Variants in DAB1 observed in about 807,000 individuals in gnomAD.
DAB1 encodes DAB adaptor protein 1.
Under a neutral mutation model 64.6 loss-of-function variants are expected in DAB1, and 15 were observed. That is an observed-to-expected ratio of 0.23 (90% CI 0.16 to 0.36). The LOEUF is 0.36. DAB1 is among the 10% of genes least tolerant of loss of function. The pLI, the probability that DAB1 is intolerant of heterozygous loss-of-function variation, is 1.00. For synonymous variants in DAB1, 235 were observed against 251.9 expected, an observed-to-expected ratio of 0.93 and a Z score of 0.64; for missense variants, 596 against 706.7, an observed-to-expected ratio of 0.84 and a Z score of 1.78.
chr1:58,530,750 A>G (rs756585092), intron 1 of DAB1: 2 of 868,768 alleles, frequency 2.3e-6, no homozygotes, highest in African/African-American at 3.3e-5. Context: ...TCAAAATAAT[A>G]AAAACTACAT....
rs986629643 is a variant in DAB1, at chr1:58,126,333, G to A, written n.387+24178C>T. Among the ~76,000 whole-genome samples, 6 of 152,276 alleles carry A rather than the reference G, an allele frequency of 3.9e-5. No individual in the cohort carries two copies. In the East Asian group the frequency reaches 7.7e-4, roughly 20 times the overall value. On this transcript the variant is annotated intron_variant and non_coding_transcript_variant, in intron 5 of 20. Transcript: ENST00000485760. Reference sequence around the variant, plus strand: ...ATTCCCCCAGGGCTCTCCGCAGCCCGGGGTAGGGGGAAACCCTTTGAGGCT... The same window carrying A: ...ATTCCCCCAGGGCTCTCCGCAGCCCAGGGTAGGGGGAAACCCTTTGAGGCT...
chr1:57,946,653 A>G (rs1645188196), intron 5 of DAB1, among the ~76,000 whole-genome samples: 1 of 152,226 alleles, frequency 6.6e-6, no homozygotes, highest in African/African-American at 2.4e-5. Flanking sequence ...GGTTCACTGC[A>G]GTTCCTGCAA....
chr1:57,890,262 C>T (rs1366727102), intron 5 of DAB1, among the ~76,000 whole-genome samples: 1 of 151,964 alleles, frequency 6.6e-6, no homozygotes, highest in Non-Finnish European at 1.5e-5. Flanking sequence ...GGGGGTAATA[C>T]CACATCTGGA....
chr1:58,343,263 GGATGGATGGATGGATGGATGGATA>G (rs1322608623), intron 4 of DAB1: 2 of 149,678 alleles, frequency 1.3e-5, no homozygotes, highest in Non-Finnish European at 3.0e-5. Flanking sequence ...ATGGATGGAT[GGATGGATGGATGGATGGATGGATA>G]GATGGATGGA....
chr1:58,048,011 C>T (rs1647359103), intron 5 of DAB1: 3 of 623,464 alleles, frequency 4.8e-6, no homozygotes, highest in Non-Finnish European at 8.7e-6. Context: ...ATATAGTCCT[C>T]AAGTTTTTTG....
intron 14 of DAB1, among the ~76,000 whole-genome samples, chr1:57,005,192 G>T (rs948821246): frequency 1.3e-5 from 2 of 152,132 alleles, no homozygotes; most frequent in African/African-American, 4.8e-5. Context: ...AGGCAACTGT[G>T]CATGTTCTGA....
At chr1:57,866,460 G>C (rs928861185) in intron 1 of DAB1, 3 of 152,154 alleles carry the variant, frequency 2.0e-5, no homozygotes, top group African/African-American at 7.2e-5. Flanking sequence ...CCATGTATCT[G>C]TAGTTTGTCA....
At chr1:57,920,506 C>T (rs1408877136) in intron 5 of DAB1, among the ~76,000 whole-genome samples, 2 of 151,936 alleles carry the variant, frequency 1.3e-5, no homozygotes, top group Non-Finnish European at 2.9e-5. Flanking sequence ...TTTTTTGAAA[C>T]AGGGTCTTGC....
chr1:57,357,964 C>T (rs758761749), intron 1 of DAB1, among the ~76,000 whole-genome samples: 11 of 151,914 alleles, frequency 7.2e-5, no homozygotes, highest in African/African-American at 1.4e-4. Flanking sequence ...CGTATTAGCA[C>T]GGAAAAACAC....
chr1:57,694,390 G>C (rs966123190), intron 6 of DAB1, among the ~76,000 whole-genome samples: 5 of 152,078 alleles, frequency 3.3e-5, no homozygotes, highest in Non-Finnish European at 7.4e-5. Context: ...ATCAGAGGAG[G>C]AACCGAGAAT....
intron 7 of DAB1, among the ~76,000 whole-genome samples, chr1:57,646,714 A>C (rs1239466129): frequency 6.6e-6 from 1 of 152,152 alleles, no homozygotes; most frequent in African/African-American, 2.4e-5. Context: ...ATGCCACTGC[A>C]CCCCAGCATG....
At chr1:57,987,839 T>G (rs994804884) in intron 5 of DAB1, among the ~76,000 whole-genome samples, 10 of 129,094 alleles carry the variant, frequency 7.7e-5, no homozygotes, top group Non-Finnish European at 1.4e-4. Flanking sequence ...GGTTTTTTTG[T>G]TTTTTTTGTT....
chr1:58,260,208 T>TC (rs1661018147), intron 4 of DAB1, among the ~76,000 whole-genome samples: 1 of 152,044 alleles, frequency 6.6e-6, no homozygotes, highest in Non-Finnish European at 1.5e-5. Flanking sequence ...GGCTCGTATG[T>TC]CCCCCCACCA....
At chr1:57,984,254 A>AAG (rs1254814233) in intron 5 of DAB1, among the ~76,000 whole-genome samples, 5 of 143,318 alleles carry the variant, frequency 3.5e-5, no homozygotes, top group Non-Finnish European at 6.1e-5. Flanking sequence ...GAAAGAAAGA[A>AAG]AGAAAGAAAA....
chr1:58,122,588 T>C (rs1652815921), intron 5 of DAB1, among the ~76,000 whole-genome samples: 1 of 144,642 alleles, frequency 6.9e-6, no homozygotes, highest in Non-Finnish European at 1.5e-5. Flanking sequence ...ACAACTGGGT[T>C]ATTTGTTGTA....
chr1:57,431,339 C>T (rs1685508938), intron 7 of DAB1, among the ~76,000 whole-genome samples: 1 of 152,116 alleles, frequency 6.6e-6, no homozygotes, highest in African/African-American at 2.4e-5. Context: ...CACACACACA[C>T]ACAACAGAAA....
At chr1:57,516,578 G>T (rs72676936) in intron 7 of DAB1, among the ~76,000 whole-genome samples, 3,520 of 152,240 alleles carry the variant, frequency 0.023, 64 homozygotes, top group Non-Finnish European at 0.038. Context: ...CTCTGATCTT[G>T]TCATCTGATT....
intron 7 of DAB1, among the ~76,000 whole-genome samples, chr1:57,482,477 TAAAAAAAAA>T (rs918167439): frequency 1.6e-5 from 1 of 61,200 alleles, no homozygotes; most frequent in East Asian, 4.7e-4. Context: ...CTGAAAGTTG[TAAAAAAAAA>T]AAAAAAAAAA....
At chr1:57,585,270 A>ACTT (rs1370802018) in intron 7 of DAB1, among the ~76,000 whole-genome samples, 26 of 151,302 alleles carry the variant, frequency 1.7e-4, no homozygotes, top group Admixed American at 1.5e-3. Context: ...AAAAAAAAAA[A>ACTT]AAAAAGACTT....
Sources: allele counts gnomAD v4.1 joint callset (sites outside exome capture counted in the v4.1 genomes callset), GRCh38; gene constraint gnomAD v4.1.1; transcripts MANE v1.5; gene names NCBI Gene and HGNC (gene_info 2026-07-23, HGNC 2026-07-21).